Variants in OSBPL6 observed in about 807,000 individuals in gnomAD.
OSBPL6 encodes oxysterol-binding protein-related protein 6.
Under a neutral mutation model 125.8 loss-of-function variants are expected in OSBPL6, and 49 were observed. That is an observed-to-expected ratio of 0.39 (90% confidence interval 0.31 to 0.49). The LOEUF is 0.49. Among genes scored for constraint, OSBPL6 ranks in the 20% least tolerant of loss-of-function variants. OSBPL6 has a pLI of 0.88. For synonymous variants in OSBPL6, 394 were observed against 391.8 expected, an observed-to-expected ratio of 1.01 and a Z score of -0.07; for missense variants, 986 against 1,135.4, an observed-to-expected ratio of 0.87 and a Z score of 1.89.
Position 178,336,222 on chromosome 2 carries a change from G to A in OSBPL6, c.658-79G>A, listed in dbSNP as rs1037015005. The A allele has an allele frequency of 2.0e-6, 3 of 1,505,534 alleles. No individual in the cohort carries two copies. In the African/African-American group the frequency reaches 4.2e-5, roughly 21 times the overall value. 93.3% of individuals were successfully genotyped at this position (1,505,534 alleles called of 1,614,324 possible). A position where few individuals can be genotyped will look rare whatever the true frequency, so the allele number is the denominator to read the frequency against. ...TTTTCTTCCTCTCTTTGTTAATACG[G>A]TTTTGAGGATACTTGTATTTTTTTA... On this transcript the variant is annotated intron_variant, in intron 8 of 24. Coordinates refer to ENST00000190611, the MANE Select transcript of OSBPL6 (RefSeq NM_032523.4).
intron 2 of OSBPL6, among the ~76,000 whole-genome samples, chr2:178,293,835 A>G (rs1031858101): frequency 6.6e-6 from 1 of 152,122 alleles, no homozygotes; most frequent in Non-Finnish European, 1.5e-5. Context: ...AAGGCACAAC[A>G]GCAATTTAAT....
intron 1 of OSBPL6, among the ~76,000 whole-genome samples, chr2:178,229,109 T>G (rs1442623187): frequency 6.6e-6 from 1 of 152,066 alleles, no homozygotes; most frequent in Non-Finnish European, 1.5e-5. Context: ...AAGGGCAAAA[T>G]ACAAGGGGTG....
intron 13 of OSBPL6, among the ~76,000 whole-genome samples, chr2:178,367,228 C>T (rs950810089): frequency 2.0e-5 from 3 of 152,048 alleles, no homozygotes; most frequent in African/African-American, 4.8e-5. Flanking sequence ...TACCAACAGT[C>T]GGGTAGTAAG....
chr2:178,401,162 TGAAA>T lies in OSBPL6; in HGVS notation c.*5606_*5609del, dbSNP rs1472602883. On this transcript the variant is annotated 3_prime_UTR_variant, in exon 25 of 25. Transcript: ENST00000190611. The stretch of plus-strand genomic sequence containing the variant: ...GGAAGTGTTTTTCTCTTCTGTGTAA[TGAAA>T]GACTCACTGACAAAGCCGTCGGTAT... The T allele has an allele frequency of 6.6e-6, 1 of 152,224 alleles. No homozygotes were observed. The highest frequency in any genetic ancestry group is 1.5e-5 in the Non-Finnish European group (1 of 68,036). 9.4% of individuals were successfully genotyped at this position (152,224 alleles called of 1,614,324 possible).
At chr2:178,197,634 A>G (rs1426173046) in intron 1 of OSBPL6, among the ~76,000 whole-genome samples, 2 of 152,226 alleles carry the variant, frequency 1.3e-5, no homozygotes, top group African/African-American at 4.8e-5. Context: ...AAACAGAACA[A>G]TTATTAACAC....
At chr2:178,383,747 A>C (rs187247352) in intron 17 of OSBPL6, among the ~76,000 whole-genome samples, 1 of 152,356 alleles carries the variant, frequency 6.6e-6, no homozygotes, top group East Asian at 1.9e-4. Context: ...GGCAGAACCA[A>C]TAAGCTGGGT....
chr2:178,372,995 C>T (rs1693540418), intron 14 of OSBPL6, among the ~76,000 whole-genome samples: 1 of 152,150 alleles, frequency 6.6e-6, no homozygotes, highest in African/African-American at 2.4e-5. Flanking sequence ...GCTTTATATA[C>T]AGTGGTGATA....
intron 1 of OSBPL6, among the ~76,000 whole-genome samples, chr2:178,237,336 T>C (rs1485401534): frequency 8.2e-6 from 1 of 121,404 alleles, no homozygotes; most frequent in Admixed American, 7.7e-5. Context: ...ACATGTTTTC[T>C]CAATTTGTTT....
In OSBPL6 at chr2:178,399,059, T is replaced by C. The variant is rs1329698769; in HGVS notation, c.*3500T>C. On this transcript the variant is annotated 3_prime_UTR_variant, in exon 25 of 25. Coordinates refer to ENST00000190611, the MANE Select transcript of OSBPL6 (RefSeq NM_032523.4). ...CAGGGGATGTAATAAATGTTTGCAC[T>C]TGGCCCAGTATATTATGAATGTGGC... The C allele has an allele frequency of 6.6e-6, 1 of 152,036 alleles. No individual in the cohort carries two copies. 9.4% of individuals were successfully genotyped at this position (152,036 alleles called of 1,614,324 possible).
chr2:178,334,126 C>T (rs1355905526), intron 8 of OSBPL6, among the ~76,000 whole-genome samples: 1 of 152,176 alleles, frequency 6.6e-6, no homozygotes, highest in East Asian at 1.9e-4. Flanking sequence ...GTTAAGTCAA[C>T]AGACAGGGAA....
intron 18 of OSBPL6, 127 bp from the exon 19 acceptor site, chr2:178,385,331 A>G: frequency 3.1e-6 from 2 of 644,590 alleles, no homozygotes; most frequent in African/African-American, 1.8e-5. Context: ...ATAAGTTCTC[A>G]GTGTTTTTAA....
chr2:178,234,410 A>C (rs1313729562), intron 1 of OSBPL6, among the ~76,000 whole-genome samples: 1 of 152,174 alleles, frequency 6.6e-6, no homozygotes, highest in African/African-American at 2.4e-5. Flanking sequence ...AGAGAGAGAG[A>C]GAGACAGAGA....
chr2:178,362,850 G>A (rs1187145990), intron 13 of OSBPL6, among the ~76,000 whole-genome samples: 1 of 152,162 alleles, frequency 6.6e-6, no homozygotes, highest in Non-Finnish European at 1.5e-5. Context: ...TATAAAGCCA[G>A]GGGTCTCAGG....
chr2:178,210,271 C>T (rs765762046), intron 1 of OSBPL6, among the ~76,000 whole-genome samples: 3 of 151,772 alleles, frequency 2.0e-5, no homozygotes, highest in African/African-American at 7.3e-5. Flanking sequence ...GTGATCCTCC[C>T]GCCTCCCAAA....
chr2:178,218,778 C>T (rs1200202187), intron 1 of OSBPL6, among the ~76,000 whole-genome samples: 2 of 151,720 alleles, frequency 1.3e-5, no homozygotes, highest in Admixed American at 6.6e-5. Context: ...TACAGGTGTG[C>T]GTCACCATGC....
rs770673198 is a variant in OSBPL6 at position 178,336,366 on chromosome 2, C to T, written c.723C>T (p.Cys241=). 2.0e-5 allele frequency: 33 copies of T among 1,613,968 alleles called. No homozygotes were observed. Among genetic ancestry groups the T allele is most frequent in the Non-Finnish European group, 2.7e-5 (32 of 1,180,010 alleles). The change falls in exon 9 of 25, where the codon TGC becomes TGT. Residue 241 remains cysteine, a synonymous_variant. Coordinates refer to ENST00000190611, the MANE Select transcript of OSBPL6 (RefSeq NM_032523.4). ...GCAGCAATAGCCTCCCTGCAACGTG[C>T]ACAACTGGCCAGAGTAAAGTGGCAG... ...LPCSNSLPAT[C]TTGQSKVAAW...
At chr2:178,219,163 G>A (rs115219058) in intron 1 of OSBPL6, among the ~76,000 whole-genome samples, 1,954 of 152,196 alleles carry the variant, frequency 0.013, 34 homozygotes, top group African/African-American at 0.045. Context: ...GTTAGTGATA[G>A]ACTGTAAAAA....
chr2:178,217,001 C>T (rs142792627), intron 1 of OSBPL6, among the ~76,000 whole-genome samples: 25 of 152,216 alleles, frequency 1.6e-4, no homozygotes, highest in Admixed American at 9.2e-4. Flanking sequence ...ACTGTTGGGA[C>T]GAGCTGAATG....
chr2:178,371,542 C>T (rs1399487770), intron 13 of OSBPL6, among the ~76,000 whole-genome samples: 1 of 152,068 alleles, frequency 6.6e-6, no homozygotes, highest in African/African-American at 2.4e-5. Context: ...AGTGAAGACA[C>T]CTTTTTGTTT....
Sources: allele counts gnomAD v4.1 joint callset (sites outside exome capture counted in the v4.1 genomes callset), GRCh38; gene constraint gnomAD v4.1.1; transcripts MANE v1.5; gene names NCBI Gene and HGNC (gene_info 2026-07-23, HGNC 2026-07-21).